Variants in GNG12 observed in about 807,000 individuals in gnomAD.
GNG12 encodes G protein subunit gamma 12, also known as guanine nucleotide-binding protein G(I)/G(S)/G(O) subunit gamma-12.
For synonymous variants in GNG12, 28 were observed against 29.7 expected (o/e 0.94, Z 0.19); for missense variants, 69 against 83.8 (o/e 0.82, Z 0.69).
At chr1:67,808,339 T>C (rs938040276) in intron 1 of GNG12, among the ~76,000 whole-genome samples, 2 of 152,028 alleles carry the variant, frequency 1.3e-5, no homozygotes, top group African/African-American at 2.4e-5. Context: ...ATCTACAAAA[T>C]AGCCCATATT....
intron 1 of GNG12, among the ~76,000 whole-genome samples, chr1:67,798,367 C>T (rs1646844318): frequency 6.6e-6 from 1 of 152,164 alleles, no homozygotes; most frequent in Admixed American, 6.5e-5. Flanking sequence ...TCATCCCCAA[C>T]CCCTCTGTGA....
intron 2 of GNG12, among the ~76,000 whole-genome samples, chr1:67,768,085 A>T (rs1646652109): frequency 6.6e-6 from 1 of 152,254 alleles, no homozygotes; most frequent in South Asian, 2.1e-4. Context: ...TCTTCTGCAA[A>T]TTCTTATTTG....
intron 2 of GNG12, among the ~76,000 whole-genome samples, chr1:67,715,893 A>G (rs879897565): frequency 2.0e-5 from 3 of 152,334 alleles, no homozygotes; most frequent in Non-Finnish European, 4.4e-5. Flanking sequence ...CCATGCCATC[A>G]TTGCTGGACA....
intron 2 of GNG12, among the ~76,000 whole-genome samples, chr1:67,737,925 T>C (rs1464747292): frequency 6.6e-6 from 1 of 152,192 alleles, no homozygotes; most frequent in Non-Finnish European, 1.5e-5. Flanking sequence ...AAGATTCTTT[T>C]CAGTGTCAAG....
intron 2 of GNG12, among the ~76,000 whole-genome samples, chr1:67,740,597 C>G (rs957992019): frequency 6.6e-6 from 1 of 152,188 alleles, no homozygotes; most frequent in African/African-American, 2.4e-5. Flanking sequence ...CTAAAATTTA[C>G]TACATATATA....
At chr1:67,790,466 G>C (rs931985760) in intron 1 of GNG12, among the ~76,000 whole-genome samples, 2 of 152,106 alleles carry the variant, frequency 1.3e-5, no homozygotes, top group African/African-American at 4.8e-5. Flanking sequence ...GGCAGCTCAG[G>C]GCATTCAATA....
At chr1:67,713,487 G>T (rs1009768734) in intron 2 of GNG12, among the ~76,000 whole-genome samples, 1 of 152,178 alleles carries the variant, frequency 6.6e-6, no homozygotes, top group Non-Finnish European at 1.5e-5. Context: ...AGCAGGGAGA[G>T]CAGGGTGGGG....
intron 2 of GNG12, among the ~76,000 whole-genome samples, chr1:67,711,630 G>A (rs532129948): frequency 3.3e-5 from 5 of 152,264 alleles, no homozygotes; most frequent in African/African-American, 1.2e-4. Context: ...CTTGGGATCC[G>A]AGTTAATCTT....
intron 2 of GNG12, among the ~76,000 whole-genome samples, chr1:67,772,902 T>C (rs1416958786): frequency 6.6e-6 from 1 of 152,184 alleles, no homozygotes; most frequent in Non-Finnish European, 1.5e-5. Flanking sequence ...CCAGTACTGA[T>C]AGCTACCTCT....
At chr1:67,734,404 G>A (rs768423027) in intron 2 of GNG12, among the ~76,000 whole-genome samples, 3 of 152,152 alleles carry the variant, frequency 2.0e-5, no homozygotes, top group African/African-American at 4.8e-5. Context: ...TTAGAACACT[G>A]ACTACTTCTG....
chr1:67,724,586 C>T (rs1646375615), intron 2 of GNG12, among the ~76,000 whole-genome samples: 1 of 152,122 alleles, frequency 6.6e-6, no homozygotes, highest in Non-Finnish European at 1.5e-5. Context: ...GATGGGGTTT[C>T]ACCATGTTCA....
chr1:67,766,131 CA>C lies in GNG12; in HGVS notation c.-27+11326del, dbSNP rs1253393279. 9.2e-3 allele frequency among the ~76,000 whole-genome samples: 1,396 copies of C among 151,506 alleles called. 17 individuals are homozygous for C. Among genetic ancestry groups the C allele is most frequent in the African/African-American group, 0.023 (943 of 41,276 alleles). On this transcript the variant is annotated intron_variant, in intron 2 of 3. Coordinates refer to ENST00000370982, the MANE Select transcript of GNG12 (RefSeq NM_018841.6). ...GCACACACACACACACACACACACA[CA>C]CACACACACACACACACCCCTAAAC... is the stretch of plus-strand genomic sequence containing the variant.
At chr1:67,816,086 C>T (rs1646951559) in intron 1 of GNG12, among the ~76,000 whole-genome samples, 2 of 152,232 alleles carry the variant, frequency 1.3e-5, no homozygotes, top group Non-Finnish European at 2.9e-5. Flanking sequence ...TCCCTTCTGC[C>T]TTCAGTGAGG....
intron 2 of GNG12, among the ~76,000 whole-genome samples, chr1:67,716,411 T>C (rs2100682283): frequency 6.6e-6 from 1 of 152,360 alleles, no homozygotes; most frequent in Middle Eastern, 3.4e-3. Flanking sequence ...TTTTGACAAT[T>C]ACCACCATTT....
intron 2 of GNG12, among the ~76,000 whole-genome samples, chr1:67,715,265 A>G (rs1161277191): frequency 2.0e-5 from 3 of 152,162 alleles, no homozygotes; most frequent in African/African-American, 7.2e-5. Context: ...GAAGCGGCCA[A>G]CCCTGCCAAT....
intron 2 of GNG12, among the ~76,000 whole-genome samples, chr1:67,771,283 A>G (rs943122836): frequency 2.0e-5 from 3 of 152,220 alleles, no homozygotes; most frequent in Non-Finnish European, 4.4e-5. Flanking sequence ...TGGGCCATGG[A>G]CTTCACAGAC....
intron 2 of GNG12, among the ~76,000 whole-genome samples, chr1:67,730,108 A>C (rs947354080): frequency 1.3e-5 from 2 of 152,252 alleles, no homozygotes; most frequent in Non-Finnish European, 2.9e-5. Context: ...ACTCAATAGA[A>C]TATTATATAG....
intron 2 of GNG12, among the ~76,000 whole-genome samples, chr1:67,729,893 T>A (rs1477054954): frequency 6.6e-6 from 1 of 152,158 alleles, no homozygotes; most frequent in African/African-American, 2.4e-5. Flanking sequence ...GCTCTAATGA[T>A]ATTATCCTCC....
Position 67,703,922 on chromosome 1 carries a change from T to C in GNG12, c.*1529A>G, listed in dbSNP as rs1646229694. ...GTAAATAATTACTTCCTGGGGTTGA[T>C]TCCTTTTTGAGGGGAAGTTTTTAAC... On this transcript the variant is annotated 3_prime_UTR_variant, in exon 4 of 4. Transcript: ENST00000370982. The C allele has an allele frequency of 6.6e-6, 1 of 152,256 alleles. No homozygotes were observed. The highest frequency in any genetic ancestry group is 6.5e-5 in the Admixed American group (1 of 15,286). 9.4% of individuals were successfully genotyped at this position (152,256 alleles called of 1,614,324 possible).
Sources: allele counts gnomAD v4.1 joint callset (sites outside exome capture counted in the v4.1 genomes callset), GRCh38; gene constraint gnomAD v4.1.1; transcripts MANE v1.5; gene names NCBI Gene and HGNC (gene_info 2026-07-23, HGNC 2026-07-21).